Variants in CAP2 observed in about 807,000 individuals in gnomAD.
CAP2 encodes the protein adenylyl cyclase-associated protein 2.
A neutral mutation model predicts 57.7 loss-of-function variants in CAP2; 24 were observed. The ratio of observed to expected loss-of-function variants is 0.42; its 90% CI spans 0.30 to 0.58. CAP2 has a LOEUF of 0.58. Among genes scored for constraint, CAP2 ranks in the 20% least tolerant of loss-of-function variants. The probability of loss-of-function intolerance (pLI) is 0.22; values close to 1 mark genes in which losing one functional copy is unlikely to be tolerated. For missense variants in CAP2, 501 were observed against 590.3 expected, an observed-to-expected ratio of 0.85 and a Z score of 1.57; for synonymous variants, 194 against 207.2, an observed-to-expected ratio of 0.94 and a Z score of 0.55.
At chr6:17,543,202 A>G (rs571067020) in intron 11 of CAP2, 59 bp downstream of exon 11, 4 of 1,401,206 alleles carry the variant, frequency 2.9e-6, no homozygotes, top group South Asian at 1.2e-5. Context: ...CCACGCTGTA[A>G]TAAGCAGAGC....
At chr6:17,440,088 A>G in intron 3 of CAP2, among the ~76,000 whole-genome samples, 1 of 151,654 alleles carries the variant, frequency 6.6e-6, no homozygotes. Flanking sequence ...GGAATCGGTT[A>G]AAATTATAAG....
chr6:17,394,164 G>T (rs543933216), intron 1 of CAP2, among the ~76,000 whole-genome samples: 1 of 147,876 alleles, frequency 6.8e-6, no homozygotes, highest in Non-Finnish European at 1.5e-5. Context: ...GTCTTCCAGG[G>T]GGGTGGGGGT....
intron 7 of CAP2, among the ~76,000 whole-genome samples, chr6:17,514,790 G>T (rs1025772937): frequency 6.6e-6 from 1 of 152,046 alleles, no homozygotes; most frequent in African/African-American, 2.4e-5. Flanking sequence ...TGGCTAAGTC[G>T]TCCATGGTAA....
intron 3 of CAP2, among the ~76,000 whole-genome samples, chr6:17,438,773 A>G (rs1214632336): frequency 3.7e-5 from 3 of 81,454 alleles, no homozygotes; most frequent in African/African-American, 3.0e-4. Context: ...TTTATTATAA[A>G]CATATCTTTT....
chr6:17,409,922 T>A (rs1759094246), intron 1 of CAP2, among the ~76,000 whole-genome samples: 1 of 152,072 alleles, frequency 6.6e-6, no homozygotes, highest in Non-Finnish European at 1.5e-5. Flanking sequence ...CCAACTCCCC[T>A]CCCGGCCCTG....
At chr6:17,538,204 C>A (rs1041962158) in intron 7 of CAP2, among the ~76,000 whole-genome samples, 8 of 151,772 alleles carry the variant, frequency 5.3e-5, no homozygotes, top group Admixed American at 3.9e-4. Context: ...AAAACTGGTA[C>A]TTTGGGAGGC....
intron 3 of CAP2, among the ~76,000 whole-genome samples, chr6:17,438,344 C>G (rs549250409): frequency 1.2e-5 from 1 of 81,836 alleles, no homozygotes; most frequent in Admixed American, 1.0e-4. Context: ...CCAACCTGGG[C>G]GAAAGAACGA....
In CAP2 at chr6:17,556,453, G is replaced by T; in HGVS notation, c.*11G>T. The T allele has an allele frequency of 6.3e-7, 1 of 1,587,220 alleles. No individual in the cohort carries two copies. Among genetic ancestry groups the T allele is most frequent in the South Asian group, 1.1e-5 (1 of 90,540 alleles). On this transcript the variant is annotated 3_prime_UTR_variant, in exon 13 of 13. Transcript: ENST00000229922. ...GAAATTATGGCCTAACTTCCTGAGA[G>T]ACCGAACCCCCTCACCTGAATCCCC...
At chr6:17,428,770 A>T (rs1203278590) in intron 3 of CAP2, among the ~76,000 whole-genome samples, 1 of 140,042 alleles carries the variant, frequency 7.1e-6, no homozygotes, top group African/African-American at 2.5e-5. Context: ...AACTTAAAGT[A>T]TAATAAAAAA....
chr6:17,400,904 T>C (rs1314633295), intron 1 of CAP2, among the ~76,000 whole-genome samples: 2 of 147,310 alleles, frequency 1.4e-5, no homozygotes, highest in Non-Finnish European at 3.0e-5. Context: ...CTTATGAAAA[T>C]GAATTATTTT....
At chr6:17,476,540 G>A (rs1369910226) in intron 4 of CAP2, among the ~76,000 whole-genome samples, 4 of 152,148 alleles carry the variant, frequency 2.6e-5, no homozygotes, top group African/African-American at 9.7e-5. Context: ...CTTGAGATTG[G>A]ATTATCTTTT....
intron 4 of CAP2, among the ~76,000 whole-genome samples, chr6:17,481,632 ATC>A (rs1761289160): frequency 6.6e-6 from 1 of 152,138 alleles, no homozygotes; most frequent in Admixed American, 6.5e-5. Flanking sequence ...GTCCTTATAA[ATC>A]TCTGTCTAGT....
chr6:17,532,124 G>GT (rs977701836), intron 7 of CAP2, among the ~76,000 whole-genome samples: 3 of 145,584 alleles, frequency 2.1e-5, no homozygotes, highest in Non-Finnish European at 4.5e-5. Context: ...CTATTGTTGG[G>GT]TTTGAAAATC....
At chr6:17,544,225 G>T (rs889596666) in intron 11 of CAP2, among the ~76,000 whole-genome samples, 1 of 151,770 alleles carries the variant, frequency 6.6e-6, no homozygotes, top group Non-Finnish European at 1.5e-5. Context: ...GTAAATGTTT[G>T]ATGGGTATAT....
intron 8 of CAP2, among the ~76,000 whole-genome samples, chr6:17,540,468 T>C (rs1400131656): frequency 6.6e-6 from 1 of 151,430 alleles, no homozygotes; most frequent in Non-Finnish European, 1.5e-5. Context: ...AAAAAAATAC[T>C]TGGCTGGTGC....
intron 3 of CAP2, among the ~76,000 whole-genome samples, chr6:17,435,547 G>A: frequency 1.0e-5 from 1 of 95,572 alleles, no homozygotes; most frequent in Non-Finnish European, 2.0e-5. Context: ...CGGGGGAGGG[G>A]GGAGGGATAG....
At chr6:17,533,991 T>A (rs1762711209) in intron 7 of CAP2, among the ~76,000 whole-genome samples, 1 of 152,178 alleles carries the variant, frequency 6.6e-6, no homozygotes, top group African/African-American at 2.4e-5. Flanking sequence ...AGTTGTTTTT[T>A]AAAAAAGCAT....
At chr6:17,459,729 G>C (rs1760673488) in intron 3 of CAP2, among the ~76,000 whole-genome samples, 1 of 151,240 alleles carries the variant, frequency 6.6e-6, no homozygotes, top group Non-Finnish European at 1.5e-5. Context: ...AAAAAGATAT[G>C]TAAATTAGAA....
intron 1 of CAP2, among the ~76,000 whole-genome samples, chr6:17,420,331 C>T (rs1397724568): frequency 6.6e-6 from 1 of 152,144 alleles, no homozygotes; most frequent in Non-Finnish European, 1.5e-5. Context: ...GGAAAATAAC[C>T]ATTTGTCATA....
Sources: gnomAD v4.1 joint callset for allele counts (sites outside exome capture counted in the v4.1 genomes callset) on GRCh38, gnomAD v4.1.1 for gene constraint, MANE v1.5 for transcripts, NCBI Gene and HGNC (gene_info 2026-07-23, HGNC 2026-07-21) for gene names.